CNRIP1: variants seen among roughly 807,000 people sequenced by gnomAD.
The protein encoded by CNRIP1 is cannabinoid receptor interacting protein 1.
In CNRIP1, 10 loss-of-function variants were observed where a neutral mutation model predicts 15.2. That is an observed-to-expected ratio of 0.66 (90% CI 0.41 to 1.12). The LOEUF is 1.12. CNRIP1 is among the 50% of genes most tolerant of loss of function. CNRIP1 has a pLI of 0.00. For synonymous variants in CNRIP1, 91 were observed against 83.2 expected (o/e 1.09, Z -0.51); for missense variants, 211 against 214.7 (o/e 0.98, Z 0.11).
chr2:68,317,148 A>C lies in CNRIP1; in HGVS notation c.330+9T>G, dbSNP rs1672304376. ...GCACCATACTCCTATACCCGCAAGC[A>C]AGCCTTACCGGCATGGTGATCTGGA... On this transcript the variant is annotated intron_variant, in intron 2 of 2. Coordinates refer to ENST00000263655, the MANE Select transcript of CNRIP1 (RefSeq NM_015463.3). 6.2e-7 allele frequency: 1 copy of C among 1,614,068 alleles called. No individual in the cohort carries two copies. The highest frequency in any genetic ancestry group is 8.5e-7 in the Non-Finnish European group (1 of 1,180,018).
intron 2 of CNRIP1, among the ~76,000 whole-genome samples, chr2:68,309,242 A>C (rs1273944176): frequency 6.6e-6 from 1 of 152,174 alleles, no homozygotes; most frequent in South Asian, 2.1e-4. Context: ...ATATTTCTAG[A>C]GGTCTAAAAA....
chr2:68,284,639 C>CATCTCTACTAAAA (rs1439298487), intron 2 of CNRIP1, among the ~76,000 whole-genome samples: 1 of 151,854 alleles, frequency 6.6e-6, no homozygotes, highest in African/African-American at 2.4e-5. Context: ...GGTGAAGCCC[C>CATCTCTACTAAAA]ATCTCTACTA....
Position 68,317,242 on chromosome 2 carries a change from C to A in CNRIP1, c.245G>T (p.Arg82Ile). The A allele has an allele frequency of 8.1e-6, 13 of 1,614,220 alleles. No individual in the cohort carries two copies. The highest frequency in any genetic ancestry group is 1.1e-5 in the Non-Finnish European group (13 of 1,180,030). Residue 82 changes from arginine (R) to isoleucine (I), a missense_variant, in exon 2 of 3, where the codon AGA (arginine) becomes ATA (isoleucine). Physicochemically the swap from Arg to Ile is moderately conservative, Grantham distance 97 (BLOSUM62 -3). Transcript: ENST00000263655. ...GTCATATGTACCCGTATAAACAACT[C>A]TGTCCCCATCAGGCTCTTTAGACTT... ...ELKSKEPDGD[R>I]VVYTGTYDTE...
intron 2 of CNRIP1, chr2:68,315,872 C>T (rs1335835984): frequency 1.3e-5 from 2 of 152,002 alleles, no homozygotes; most frequent in Non-Finnish European, 2.9e-5. Context: ...GAGACAGGGT[C>T]CCACTATGTT....
downstream of CNRIP1, among the ~76,000 whole-genome samples, chr2:68,289,340 T>C (rs1671106233): frequency 6.6e-6 from 1 of 152,212 alleles, no homozygotes; most frequent in Non-Finnish European, 1.5e-5. Flanking sequence ...TTTCCAAGCA[T>C]CAAAATAGAG....
Position 68,317,253 on chromosome 2 carries a change from A to C in CNRIP1, c.234T>G (p.Pro78=), listed in dbSNP as rs980606999. ...LVPLELKSKE[P]DGDRVVYTGT... ...CCGTATAAACAACTCTGTCCCCATCAGGCTCTTTAGACTTCAGTTCCAGTG... is the reference window on the plus strand; with the variant it reads ...CCGTATAAACAACTCTGTCCCCATCCGGCTCTTTAGACTTCAGTTCCAGTG... Residue 78 remains proline (P), a synonymous_variant, in exon 2 of 3, where the codon CCT becomes CCG. Coordinates refer to ENST00000263655, the MANE Select transcript of CNRIP1 (RefSeq NM_015463.3). The C allele has an allele frequency of 3.7e-6, 6 of 1,614,030 alleles. No individual in the cohort carries two copies. The highest frequency in any genetic ancestry group is 5.1e-6 in the Non-Finnish European group (6 of 1,180,016).
At position 68,305,521 on chromosome 2, in the gene CNRIP1, G is replaced by T. The variant is rs557649530; in HGVS notation, c.331-11495C>A. 3.6e-4 allele frequency among the ~76,000 whole-genome samples: 55 copies of T among 151,700 alleles called. 1 individual carries two copies. Among genetic ancestry groups the T allele is most frequent in the Admixed American group, 5.3e-4 (8 of 15,232 alleles). ...GAATTAAAACTGGAAGTAGGCCGGGGGCGGTGGCTCACGCCTGTAATCCCA... is the reference window on the plus strand; with the variant it reads ...GAATTAAAACTGGAAGTAGGCCGGGTGCGGTGGCTCACGCCTGTAATCCCA... On this transcript the variant is annotated intron_variant, in intron 2 of 2. Transcript: ENST00000263655.
intron 2 of CNRIP1, among the ~76,000 whole-genome samples, chr2:68,309,982 T>C (rs1375045067): frequency 6.6e-6 from 1 of 152,220 alleles, no homozygotes; most frequent in Non-Finnish European, 1.5e-5. Context: ...TATGTATGCA[T>C]GCATGTATTT....
In CNRIP1 at chr2:68,319,566, G is replaced by A; in HGVS notation, c.-166C>T. 1 of 651,392 alleles carries A rather than the reference G, an allele frequency of 1.5e-6. No individual in the cohort carries two copies. The highest frequency in any genetic ancestry group is 3.2e-5 in the East Asian group (1 of 31,606). 40.4% of individuals were successfully genotyped at this position (651,392 alleles called of 1,614,324 possible). A position where few individuals can be genotyped will look rare whatever the true frequency, so the allele number is the denominator to read the frequency against. ...CCGCGCCGTCGCCGCCGTCCGCCCGGGCTTTTGAGGAGCAGCTCCTTAGGC... is the reference window on the plus strand; with the variant it reads ...CCGCGCCGTCGCCGCCGTCCGCCCGAGCTTTTGAGGAGCAGCTCCTTAGGC... On this transcript the variant is annotated 5_prime_UTR_variant, in exon 1 of 3. Coordinates refer to ENST00000263655, the MANE Select transcript of CNRIP1 (RefSeq NM_015463.3).
At chr2:68,297,983 G>A (rs2103628729) in intron 2 of CNRIP1, among the ~76,000 whole-genome samples, 1 of 152,002 alleles carries the variant, frequency 6.6e-6, no homozygotes, top group Admixed American at 6.5e-5. Flanking sequence ...TACAATAAAT[G>A]TTACTTTTAA....
intron 2 of CNRIP1, among the ~76,000 whole-genome samples, chr2:68,303,495 C>T (rs1671696948): frequency 6.6e-6 from 1 of 152,192 alleles, no homozygotes; most frequent in South Asian, 2.1e-4. Flanking sequence ...CCTCATGCTA[C>T]TACTGCTCCC....
At chr2:68,284,310 G>C (rs1337130464) in exon 3 of CNRIP1, 1 of 571,710 alleles carries the variant, frequency 1.7e-6, no homozygotes. Flanking sequence ...ATTTTAACAA[G>C]CATCCCCGAT....
chr2:68,312,132 A>G (rs1166537550), intron 2 of CNRIP1, among the ~76,000 whole-genome samples: 1 of 152,218 alleles, frequency 6.6e-6, no homozygotes, highest in Admixed American at 6.5e-5. Context: ...TGTAGCCAGC[A>G]TTACTCTGAT....
chr2:68,309,148 C>T (rs1279442073), intron 2 of CNRIP1, among the ~76,000 whole-genome samples: 1 of 152,188 alleles, frequency 6.6e-6, no homozygotes, highest in Non-Finnish European at 1.5e-5. Flanking sequence ...AGCCCAGTGT[C>T]AATGTGCAAC....
chr2:68,300,940 C>G (rs1041617265), intron 2 of CNRIP1, among the ~76,000 whole-genome samples: 9 of 152,188 alleles, frequency 5.9e-5, no homozygotes, highest in Non-Finnish European at 1.0e-4. Context: ...TTAAAAATCT[C>G]TCAGGCCCAA....
At chr2:68,298,959 T>TTA (rs1362910550) in intron 2 of CNRIP1, among the ~76,000 whole-genome samples, 1 of 152,186 alleles carries the variant, frequency 6.6e-6, no homozygotes, top group Non-Finnish European at 1.5e-5. Flanking sequence ...GTGGTACAAT[T>TTA]TATGCACAGG....
At chr2:68,297,567 CAAAAAAAAAAA>C (rs112601365) in intron 2 of CNRIP1, among the ~76,000 whole-genome samples, 17 of 98,910 alleles carry the variant, frequency 1.7e-4, no homozygotes, top group South Asian at 1.2e-3. Flanking sequence ...GACACTGTCT[CAAAAAAAAAAA>C]AAAAAAAAAA....
downstream of CNRIP1, among the ~76,000 whole-genome samples, chr2:68,291,633 C>A (rs1203591839): frequency 6.6e-6 from 1 of 152,030 alleles, no homozygotes; most frequent in Non-Finnish European, 1.5e-5. Flanking sequence ...GTAATCCCAG[C>A]CCTTTGGGAG....
chr2:68,318,204 G>C (rs1440788184), intron 1 of CNRIP1, among the ~76,000 whole-genome samples: 1 of 152,044 alleles, frequency 6.6e-6, no homozygotes, highest in Non-Finnish European at 1.5e-5. Flanking sequence ...TCCAGATTTG[G>C]TTCTAGGTCC....
Sources: gnomAD v4.1 joint callset for allele counts (sites outside exome capture counted in the v4.1 genomes callset) on GRCh38, gnomAD v4.1.1 for gene constraint, MANE v1.5 for transcripts, NCBI Gene and HGNC (gene_info 2026-07-23, HGNC 2026-07-21) for gene names.